Variants in LCOR observed in about 807,000 individuals in gnomAD.
LCOR encodes the protein ligand dependent nuclear receptor corepressor, also known as ligand-dependent corepressor.
In LCOR, 14 loss-of-function variants were observed where a neutral mutation model predicts 64.4. The observed-to-expected ratio is 0.22, with a 90% confidence interval of 0.14 to 0.34. The LOEUF (loss-of-function observed/expected upper bound fraction) is 0.34, where lower values mean the gene tolerates loss of function less well. Ranked by LOEUF, LCOR falls within the 10% of genes least tolerant of loss-of-function variation. The pLI is 1.00. For missense variants in LCOR, 1,686 were observed against 1,765.3 expected, an observed-to-expected ratio of 0.96 and a Z score of 0.80; for synonymous variants, 643 against 642.5, an observed-to-expected ratio of 1.00 and a Z score of -0.01.
chr10:96,895,771 T>C (rs1846526170), intron 2 of LCOR, among the ~76,000 whole-genome samples: 1 of 152,234 alleles, frequency 6.6e-6, no homozygotes, highest in African/African-American at 2.4e-5. Context: ...TGTGTCTCCA[T>C]ATGGCTTGTT....
chr10:96,971,880 T>C (rs890163143), intron 7 of LCOR, among the ~76,000 whole-genome samples: 18 of 152,206 alleles, frequency 1.2e-4, no homozygotes, highest in African/African-American at 4.3e-4. Context: ...ACAGGCCTTA[T>C]AACTCTTACG....
intron 7 of LCOR, among the ~76,000 whole-genome samples, chr10:96,974,917 C>G (rs1848025741): frequency 6.6e-6 from 1 of 152,126 alleles, no homozygotes; most frequent in Admixed American, 6.5e-5. Flanking sequence ...ACCTGTAATC[C>G]CAGCACTTTG....
chr10:96,913,598 A>G (rs1846884532), intron 4 of LCOR, among the ~76,000 whole-genome samples: 1 of 152,192 alleles, frequency 6.6e-6, no homozygotes, highest in Admixed American at 6.5e-5. Flanking sequence ...TTAGTATTTG[A>G]TTGGCATATT....
chr10:96,875,726 G>A (rs1193809701), intron 2 of LCOR, among the ~76,000 whole-genome samples: 3 of 152,098 alleles, frequency 2.0e-5, no homozygotes, highest in Non-Finnish European at 4.4e-5. Context: ...GCTGGGTGTG[G>A]TGGGGTGCCT....
At chr10:96,923,546 A>G (rs531396844) in intron 4 of LCOR, among the ~76,000 whole-genome samples, 18 of 152,320 alleles carry the variant, frequency 1.2e-4, no homozygotes, top group African/African-American at 4.3e-4. Context: ...GTAAGTAAGC[A>G]TCCTCCTCCT....
At chr10:96,854,904 T>C (rs899036757) in intron 2 of LCOR, among the ~76,000 whole-genome samples, 1 of 152,320 alleles carries the variant, frequency 6.6e-6, no homozygotes, top group Middle Eastern at 3.4e-3. Flanking sequence ...GGGGAAAAAT[T>C]ATATGTGTGT....
rs1848175593 is a variant in LCOR, at chr10:96,989,298, C to T, written c.*4164C>T. ...GCCTGGGCCTCTCATTTCACTCACA[C>T]AGAACTGACTCTGGCTTTATTTCTT... On this transcript the variant is annotated 3_prime_UTR_variant, in exon 8 of 8. Transcript: ENST00000421806. 6.6e-6 allele frequency: 1 copy of T among 152,214 alleles called. No individual in the cohort carries two copies. Among genetic ancestry groups the T allele is most frequent in the African/African-American group, 2.4e-5 (1 of 41,442 alleles). 9.4% of individuals were successfully genotyped at this position (152,214 alleles called of 1,614,324 possible).
intron 7 of LCOR, chr10:96,958,184 AAT>A: frequency 7.8e-7 from 1 of 1,280,100 alleles, no homozygotes; most frequent in African/African-American, 1.5e-5. Context: ...CCTTTGAGAA[AAT>A]TAATTTGTGC....
At chr10:96,955,884 G>A (rs1244894429) in intron 7 of LCOR, 3 of 1,613,888 alleles carry the variant, frequency 1.9e-6, no homozygotes, top group Admixed American at 3.3e-5. Flanking sequence ...TCCCCAGGGA[G>A]AGGCAGCACA....
intron 7 of LCOR, among the ~76,000 whole-genome samples, chr10:96,970,520 C>T (rs577677169): frequency 8.5e-5 from 13 of 152,074 alleles, no homozygotes; most frequent in African/African-American, 2.6e-4. Context: ...TCTTGGATTT[C>T]TTCTCTACCT....
chr10:96,904,329 C>T (rs1846691252), intron 2 of LCOR, among the ~76,000 whole-genome samples: 1 of 152,146 alleles, frequency 6.6e-6, no homozygotes, highest in Non-Finnish European at 1.5e-5. Flanking sequence ...CAACAGAAGA[C>T]CATCCTGACC....
chr10:96,972,652 A>T (rs987369422), intron 7 of LCOR, among the ~76,000 whole-genome samples: 5 of 152,298 alleles, frequency 3.3e-5, no homozygotes, highest in African/African-American at 1.2e-4. Context: ...ATGAAGAAAA[A>T]TAGGAGATAC....
intron 7 of LCOR, among the ~76,000 whole-genome samples, chr10:96,965,535 G>A (rs1168777549): frequency 6.0e-5 from 9 of 150,484 alleles, no homozygotes; most frequent in South Asian, 4.2e-4. Flanking sequence ...GGTGGCGGGC[G>A]CCTGTAGTCC....
At chr10:96,935,614 G>T (rs1475227146) in intron 4 of LCOR, among the ~76,000 whole-genome samples, 1 of 152,194 alleles carries the variant, frequency 6.6e-6, no homozygotes, top group Admixed American at 6.5e-5. Context: ...CAGGAGGATT[G>T]CTTGAGGCCA....
intron 7 of LCOR, among the ~76,000 whole-genome samples, chr10:96,976,147 C>T (rs897878985): frequency 6.6e-6 from 1 of 152,190 alleles, no homozygotes; most frequent in Non-Finnish European, 1.5e-5. Flanking sequence ...TGCTCTTACA[C>T]GTTGTCCCTG....
chr10:96,935,385 GTGATCAGCCTGCCT>G (rs1166045852), intron 4 of LCOR, among the ~76,000 whole-genome samples: 1 of 151,966 alleles, frequency 6.6e-6, no homozygotes, highest in Non-Finnish European at 1.5e-5. Context: ...CTGACCTCAG[GTGATCAGCCTGCCT>G]TGGCCTCCCA....
intron 2 of LCOR, among the ~76,000 whole-genome samples, chr10:96,842,577 A>G (rs1414970307): frequency 2.0e-5 from 3 of 151,992 alleles, no homozygotes; most frequent in South Asian, 4.1e-4. Context: ...TACGTTTAGA[A>G]TGATCAGTTG....
chr10:96,889,841 A>G (rs536752254), intron 2 of LCOR, among the ~76,000 whole-genome samples: 5 of 152,288 alleles, frequency 3.3e-5, no homozygotes, highest in African/African-American at 1.2e-4. Context: ...ATTATGAATA[A>G]TGCTGCTGTT....
Position 96,981,734 on chromosome 10 carries a change from G to A in LCOR, c.1274G>A (p.Gly425Asp). The A allele has an allele frequency of 6.2e-7, 1 of 1,614,164 alleles. No individual in the cohort carries two copies. The highest frequency in any genetic ancestry group is 8.5e-7 in the Non-Finnish European group (1 of 1,180,026). The change falls in exon 8 of 8, where the codon GGC becomes GAC. Residue 425 changes from glycine (G) to aspartate (D), a missense_variant. This residue lies in a region of LCOR where 1,293 missense variants were observed against 1,410.4 expected (regional missense o/e 0.92). Coordinates refer to ENST00000421806, the MANE Select transcript of LCOR (RefSeq NM_001346516.2). Reference sequence around the variant, plus strand: ...GATCATTCCAAAGATGGTTGGTTAGGCCCCGGCCCTATGCCAGCTGTACAC... The same window carrying A: ...GATCATTCCAAAGATGGTTGGTTAGACCCCGGCCCTATGCCAGCTGTACAC... ...QFDHSKDGWL[G>D]PGPMPAVHKA...
Sources: gnomAD v4.1 joint callset for allele counts (sites outside exome capture counted in the v4.1 genomes callset) on GRCh38, gnomAD v4.1.1 for gene constraint, gnomAD v4.1.1 regional missense constraint, MANE v1.5 for transcripts, NCBI Gene and HGNC (gene_info 2026-07-23, HGNC 2026-07-21) for gene names.